Variants in MAP2K3 observed in about 807,000 individuals in gnomAD.
The protein encoded by MAP2K3 is mitogen-activated protein kinase kinase 3, also known as dual specificity mitogen-activated protein kinase kinase 3.
In MAP2K3, 30 loss-of-function variants were observed where a neutral mutation model predicts 46.4. The observed-to-expected ratio is 0.65, with a 90% CI of 0.48 to 0.88. The LOEUF (loss-of-function observed/expected upper bound fraction) is 0.88, where lower values mean the gene tolerates loss of function less well. MAP2K3 is among the 40% of genes least tolerant of loss of function. The probability of loss-of-function intolerance (pLI) is 0.00; values close to 1 mark genes in which losing one functional copy is unlikely to be tolerated. For missense variants in MAP2K3, 380 were observed against 464.5 expected (o/e 0.82, Z 1.67); for synonymous variants, 189 against 176.3 (o/e 1.07, Z -0.57).
chr17:21,285,562 T>G (rs1357222589), intron 1 of MAP2K3, among the ~76,000 whole-genome samples: 1 of 152,134 alleles, frequency 6.6e-6, no homozygotes, highest in East Asian at 1.9e-4. Context: ...ATAGGCCCTA[T>G]GTTGCCCCTT....
chr17:21,284,980 C>G lies in MAP2K3; in HGVS notation c.49+11C>G, dbSNP rs1251989974. Reference sequence around the variant, plus strand: ...TGCCCCAGTCCAAAGGTAGGCGCTCCCGGCCGGGACCTCGGCCTGACCCCG... The same window carrying G: ...TGCCCCAGTCCAAAGGTAGGCGCTCGCGGCCGGGACCTCGGCCTGACCCCG... On this transcript the variant is annotated intron_variant, in intron 1 of 11. Transcript: ENST00000342679. 6.2e-7 allele frequency: 1 copy of G among 1,606,732 alleles called. No homozygotes were observed. Among genetic ancestry groups the G allele is most frequent in the South Asian group, 1.1e-5 (1 of 89,702 alleles).
rs776797051 is a variant in MAP2K3 at position 21,312,165 on chromosome 17, C to T, written c.798C>T (p.Phe266=). ...AGATTGAGATGGCCATCCTGCGGTT[C>T]CCTTACGAGTCCTGGGGGACCCCGT... is the stretch of plus-strand genomic sequence containing the variant. ...ITMIEMAILR[F]PYESWGTPFQ... The change falls in exon 10 of 12, where the codon TTC becomes TTT. Residue 266 remains phenylalanine (F), a synonymous_variant. Coordinates refer to ENST00000342679, the MANE Select transcript of MAP2K3 (RefSeq NM_145109.3). 6.4e-7 allele frequency: 1 copy of T among 1,572,728 alleles called. No individual in the cohort carries two copies. Among genetic ancestry groups the T allele is most frequent in the South Asian group, 1.2e-5 (1 of 86,324 alleles).
intron 9 of MAP2K3, among the ~76,000 whole-genome samples, chr17:21,307,078 AC>A (rs1233554944): frequency 1.2e-4 from 18 of 152,426 alleles, no homozygotes; most frequent in Non-Finnish European, 1.9e-4. Context: ...AAGCTACTGC[AC>A]CCACTGAAAG....
chr17:21,303,339 T>C (rs1355032188), intron 7 of MAP2K3, 105 bp downstream of exon 7: 2 of 1,515,668 alleles, frequency 1.3e-6, no homozygotes, highest in Non-Finnish European at 1.8e-6. Context: ...CGAGAGGTGA[T>C]AGGTTGTGAC....
chr17:21,300,502 C>T, intron 3 of MAP2K3, 43 bp from the exon 4 acceptor site: 2 of 1,566,614 alleles, frequency 1.3e-6, no homozygotes, highest in Non-Finnish European at 1.7e-6. Context: ...TGAGGACTGG[C>T]TTCCAGCTTG....
At chr17:21,292,499 G>C (rs1413906206) in intron 1 of MAP2K3, among the ~76,000 whole-genome samples, 2 of 152,298 alleles carry the variant, frequency 1.3e-5, no homozygotes. Flanking sequence ...TGGGACTACA[G>C]GCACGCACCA....
At chr17:21,299,418 A>T (rs1246412106) in intron 3 of MAP2K3, among the ~76,000 whole-genome samples, 1 of 152,306 alleles carries the variant, frequency 6.6e-6, no homozygotes, top group Admixed American at 6.5e-5. Context: ...GCAGTGGCTC[A>T]CACCTGTAAT....
At chr17:21,302,430 A>ACT (rs1330985863) in intron 6 of MAP2K3, among the ~76,000 whole-genome samples, 171 bp downstream of exon 6, 4 of 152,422 alleles carry the variant, frequency 2.6e-5, no homozygotes, top group Non-Finnish European at 1.5e-5. Context: ...TCCACCCCAG[A>ACT]CCAGAGCCTT....
At chr17:21,298,750 C>T (rs534703609) in intron 2 of MAP2K3, 128 bp from the exon 3 acceptor site, 29 of 1,393,406 alleles carry the variant, frequency 2.1e-5, no homozygotes, top group South Asian at 1.1e-4. Context: ...AGGAGGTGGC[C>T]GGAGAAGGCG....
chr17:21,292,182 T>A (rs1247649502), intron 1 of MAP2K3, among the ~76,000 whole-genome samples: 1 of 152,304 alleles, frequency 6.6e-6, no homozygotes. Flanking sequence ...TGTACTGTGC[T>A]CAGTGAGCCT....
At chr17:21,299,254 G>A (rs569238512) in intron 3 of MAP2K3, among the ~76,000 whole-genome samples, 8 of 152,420 alleles carry the variant, frequency 5.2e-5, no homozygotes, top group Middle Eastern at 3.4e-3. Flanking sequence ...AGGCCGCCCT[G>A]GACCCGCTGG....
At chr17:21,300,487 T>C in intron 3 of MAP2K3, 58 bp from the exon 4 acceptor site, 2 of 1,532,322 alleles carry the variant, frequency 1.3e-6, no homozygotes, top group East Asian at 2.4e-5. Context: ...CCACTGGGCA[T>C]GGGGTGAGGA....
intron 1 of MAP2K3, chr17:21,291,664 G>A (rs1213258799): frequency 4.5e-6 from 2 of 446,494 alleles, no homozygotes; most frequent in African/African-American, 2.0e-5. Context: ...TGGGAGCCTG[G>A]GGCCAGAGTC....
At chr17:21,298,976 C>A (rs377562005) in intron 3 of MAP2K3, 50 bp downstream of exon 3, 5 of 1,612,780 alleles carry the variant, frequency 3.1e-6, no homozygotes, top group Middle Eastern at 1.7e-4. Flanking sequence ...ACCTGACGAG[C>A]GGGTAGAGCT....
At position 21,298,452 on chromosome 17, in the gene MAP2K3, T is replaced by A. The variant is rs772121244; in HGVS notation, c.89T>A (p.Met30Lys). 12 of 1,614,308 alleles carry A rather than the reference T, an allele frequency of 7.4e-6. No individual in the cohort carries two copies. The highest frequency in any genetic ancestry group is 9.3e-6 in the Non-Finnish European group (11 of 1,180,050). ...KRKKDLRISC[M>K]SKPPAPNPTP... is the part of the protein sequence containing the mutation. ...AAGAAGGATCTACGGATATCCTGCA[T>A]GTCCAAGCCACCCGCACCCAACCCC... Residue 30 changes from methionine to lysine, a missense_variant, in exon 2 of 12, where the codon ATG becomes AAG. By Grantham distance (95) the Met-to-Lys change is moderately conservative. Around this residue, in one of 5 missense-constraint regions of MAP2K3, gnomAD observed 294 missense variants for 275.4 expected, o/e 1.07. Transcript: ENST00000342679.
chr17:21,285,512 G>A (rs1975698986), intron 1 of MAP2K3, among the ~76,000 whole-genome samples: 1 of 152,070 alleles, frequency 6.6e-6, no homozygotes, highest in Non-Finnish European at 1.5e-5. Flanking sequence ...CCCCAGCTCG[G>A]AACTCCCCGT....
intron 1 of MAP2K3, chr17:21,296,057 T>A: frequency 7.8e-7 from 1 of 1,289,224 alleles, no homozygotes; most frequent in African/African-American, 1.5e-5. Flanking sequence ...TCTCATTACT[T>A]AGGGCAGTTT....
intron 3 of MAP2K3, among the ~76,000 whole-genome samples, chr17:21,299,339 C>G (rs1260356283): frequency 6.6e-6 from 1 of 152,310 alleles, no homozygotes; most frequent in Non-Finnish European, 1.5e-5. Context: ...ACTAGCCATT[C>G]AGAATCCTGG....
intron 1 of MAP2K3, among the ~76,000 whole-genome samples, chr17:21,292,052 G>A (rs1307989309): frequency 3.3e-5 from 5 of 152,430 alleles, no homozygotes; most frequent in African/African-American, 1.2e-4. Context: ...CAGGCTGGGG[G>A]CCTGACTCTG....
Sources: gnomAD v4.1 joint callset for allele counts (sites outside exome capture counted in the v4.1 genomes callset) on GRCh38, gnomAD v4.1.1 for gene constraint, gnomAD v4.1.1 regional missense constraint, MANE v1.5 for transcripts, NCBI Gene and HGNC (gene_info 2026-07-23, HGNC 2026-07-21) for gene names.